The following PLPPR5 variants were observed in gnomAD, a reference collection of about 807,000 sequenced individuals.
The protein encoded by PLPPR5 is phospholipid phosphatase related 5, also known as phospholipid phosphatase-related protein type 5.
A neutral mutation model predicts 33.9 loss-of-function variants in PLPPR5; 16 were observed. The ratio of observed to expected loss-of-function variants is 0.47; its 90% CI spans 0.32 to 0.72. The LOEUF is 0.72. Among genes scored for constraint, PLPPR5 ranks in the 30% least tolerant of loss-of-function variants. PLPPR5 has a pLI of 0.03. For synonymous variants in PLPPR5, 163 were observed against 150.3 expected, an observed-to-expected ratio of 1.08 and a Z score of -0.62; for missense variants, 301 against 406.7, an observed-to-expected ratio of 0.74 and a Z score of 2.23.
chr1:98,938,890 C>A (rs1386919111), intron 3 of PLPPR5, among the ~76,000 whole-genome samples: 2 of 152,084 alleles, frequency 1.3e-5, no homozygotes, highest in Admixed American at 1.3e-4. Context: ...AAACCAAAAC[C>A]AAATACCACA....
intron 1 of PLPPR5, among the ~76,000 whole-genome samples, chr1:98,998,255 A>C (rs1326757577): frequency 6.6e-6 from 1 of 152,146 alleles, no homozygotes; most frequent in Non-Finnish European, 1.5e-5. Context: ...TCATTTTAAA[A>C]AGCATGCCTT....
At chr1:98,946,644 A>G (rs1404748702) in intron 3 of PLPPR5, among the ~76,000 whole-genome samples, 1 of 152,102 alleles carries the variant, frequency 6.6e-6, no homozygotes, top group Admixed American at 6.6e-5. Flanking sequence ...ACTTCCCGTG[A>G]TGCTTGCCAG....
intron 1 of PLPPR5, among the ~76,000 whole-genome samples, chr1:98,968,374 T>C (rs554478681): frequency 1.3e-5 from 2 of 152,194 alleles, no homozygotes; most frequent in Admixed American, 6.5e-5. Context: ...CCAGTTTTTC[T>C]AAAATACCCA....
intron 1 of PLPPR5, among the ~76,000 whole-genome samples, chr1:98,983,088 ATTT>A (rs57436557): frequency 6.6e-6 from 1 of 151,128 alleles, no homozygotes; most frequent in Non-Finnish European, 1.5e-5. Flanking sequence ...CATAAACTCC[ATTT>A]TTTTTTTTAT....
At chr1:98,986,410 A>C (rs768939643) in intron 1 of PLPPR5, among the ~76,000 whole-genome samples, 10 of 151,902 alleles carry the variant, frequency 6.6e-5, no homozygotes, top group Non-Finnish European at 1.0e-4. Flanking sequence ...CTAAAACTTA[A>C]GGTTACTAGG....
chr1:98,936,089 T>G (rs1296005661), intron 3 of PLPPR5, among the ~76,000 whole-genome samples: 2 of 152,164 alleles, frequency 1.3e-5, no homozygotes, highest in Non-Finnish European at 2.9e-5. Context: ...TGTGGGCAAG[T>G]TAATGAATTT....
intron 1 of PLPPR5, among the ~76,000 whole-genome samples, chr1:98,985,556 T>C (rs753725274): frequency 2.0e-5 from 3 of 152,082 alleles, no homozygotes; most frequent in Non-Finnish European, 4.4e-5. Context: ...GGCCTTCACA[T>C]TCACTCGTCT....
intron 5 of PLPPR5, among the ~76,000 whole-genome samples, chr1:98,899,224 G>C (rs983288968): frequency 1.3e-5 from 2 of 152,188 alleles, no homozygotes; most frequent in Non-Finnish European, 2.9e-5. Context: ...AGGCCCAGCT[G>C]TATCCAGATC....
At chr1:98,905,705 A>G (rs1388684793) in intron 5 of PLPPR5, among the ~76,000 whole-genome samples, 2 of 152,108 alleles carry the variant, frequency 1.3e-5, no homozygotes, top group African/African-American at 4.8e-5. Flanking sequence ...ATTAAGTTTT[A>G]TATTTAAATG....
At chr1:98,917,770 T>G (rs1649411144) in intron 4 of PLPPR5, among the ~76,000 whole-genome samples, 1 of 152,216 alleles carries the variant, frequency 6.6e-6, no homozygotes, top group African/African-American at 2.4e-5. Flanking sequence ...TCAGAGCACT[T>G]AGTATGAAAT....
intron 3 of PLPPR5, among the ~76,000 whole-genome samples, chr1:98,924,004 T>C (rs1649665599): frequency 1.3e-5 from 2 of 152,218 alleles, no homozygotes; most frequent in Admixed American, 6.5e-5. Context: ...GCTATAAGGC[T>C]GGTTAATTAT....
intron 1 of PLPPR5, among the ~76,000 whole-genome samples, chr1:98,997,180 A>C (rs1384823614): frequency 3.9e-5 from 6 of 152,196 alleles, no homozygotes; most frequent in Non-Finnish European, 8.8e-5. Flanking sequence ...TCAAGCACTT[A>C]GTGCATGTAA....
intron 1 of PLPPR5, among the ~76,000 whole-genome samples, chr1:99,002,486 C>T (rs1652887102): frequency 6.6e-6 from 1 of 152,092 alleles, no homozygotes; most frequent in Admixed American, 6.6e-5. Context: ...TTCAGATATT[C>T]CTTATTATCT....
intron 1 of PLPPR5, among the ~76,000 whole-genome samples, chr1:98,960,833 G>T (rs1651218012): frequency 1.3e-5 from 2 of 152,158 alleles, no homozygotes; most frequent in Non-Finnish European, 2.9e-5. Context: ...GGCCCCGGCT[G>T]CTGCGCTCCT....
upstream of PLPPR5, among the ~76,000 whole-genome samples, chr1:99,005,418 A>G (rs1653052365): frequency 6.6e-6 from 1 of 152,166 alleles, no homozygotes; most frequent in Non-Finnish European, 1.5e-5. Flanking sequence ...AGGCGCTGTT[A>G]GAAAAATCTC....
At chr1:98,953,945 A>C (rs1650903271) in intron 2 of PLPPR5, among the ~76,000 whole-genome samples, 1 of 152,190 alleles carries the variant, frequency 6.6e-6, no homozygotes, top group South Asian at 2.1e-4. Flanking sequence ...CTAGTAATTT[A>C]TTTCCACCTT....
At chr1:98,970,017 C>T (rs1490275718) in intron 1 of PLPPR5, among the ~76,000 whole-genome samples, 1 of 152,002 alleles carries the variant, frequency 6.6e-6, no homozygotes, top group Admixed American at 6.6e-5. Flanking sequence ...CCCTTGAGGC[C>T]ATCTTCTTCT....
rs1021279682 is a variant in PLPPR5 at position 98,890,843 on chromosome 1, G to T, written c.*2229C>A. 8 of 152,438 alleles carry T rather than the reference G, an allele frequency of 5.2e-5. No homozygotes were observed. The highest frequency in any genetic ancestry group is 1.9e-4 in the African/African-American group (8 of 41,398). The allele number at this position is 152,438 out of a possible 1,614,324, so 9.4% of individuals were successfully genotyped here. On this transcript the variant is annotated 3_prime_UTR_variant, in exon 6 of 6. Transcript: ENST00000263177. ...TAAATAGTAGAGGTGACTTTACTCT[G>T]GTTCTGGGTTAAATCTGAGTTTTTG...
chr1:98,894,422 G>T (rs1420806816), intron 5 of PLPPR5, among the ~76,000 whole-genome samples: 1 of 152,030 alleles, frequency 6.6e-6, no homozygotes, highest in Non-Finnish European at 1.5e-5. Context: ...ATACATCACA[G>T]TTTTATTTCC....
Sources: gnomAD v4.1 joint callset for allele counts (sites outside exome capture counted in the v4.1 genomes callset) on GRCh38, gnomAD v4.1.1 for gene constraint, MANE v1.5 for transcripts, NCBI Gene and HGNC (gene_info 2026-07-23, HGNC 2026-07-21) for gene names.